EXOC6: variants seen among roughly 807,000 people sequenced by gnomAD.
EXOC6 encodes exocyst complex component 6.
In EXOC6, 60 loss-of-function variants were observed where a neutral mutation model predicts 112.5. The observed-to-expected ratio is 0.53, with a 90% CI of 0.43 to 0.66. The LOEUF is 0.66. Ranked by LOEUF, EXOC6 falls within the 30% of genes least tolerant of loss-of-function variation. EXOC6 has a pLI of 0.00. For missense variants in EXOC6, 855 were observed against 957.1 expected (o/e 0.89, Z 1.41); for synonymous variants, 295 against 308.0 (o/e 0.96, Z 0.44).
At chr10:92,836,851 A>G (rs1846674306) in intron 1 of EXOC6, among the ~76,000 whole-genome samples, 1 of 152,148 alleles carries the variant, frequency 6.6e-6, no homozygotes, top group Admixed American at 6.5e-5. Context: ...ATTTCAGTCA[A>G]ACTAGACTCT....
At chr10:93,012,138 T>C (rs4919044) in intron 19 of EXOC6, among the ~76,000 whole-genome samples, 12,153 of 152,238 alleles carry the variant, frequency 0.08, 550 homozygotes, top group Admixed American at 0.14. Flanking sequence ...ATAAAACCTA[T>C]TAACCTTACT....
chr10:92,894,656 A>C, intron 2 of EXOC6, 138 bp from the exon 3 acceptor site: 3 of 645,176 alleles, frequency 4.6e-6, no homozygotes, highest in Non-Finnish European at 8.0e-6. Context: ...GTTCAAGTTC[A>C]AGCTGTAGAG....
At chr10:92,895,589 G>A (rs1302143718) in intron 4 of EXOC6, among the ~76,000 whole-genome samples, 4 of 152,090 alleles carry the variant, frequency 2.6e-5, no homozygotes, top group African/African-American at 7.2e-5. Flanking sequence ...GATAAATTCC[G>A]AGGAAATTAA....
At chr10:92,847,857 G>C (rs1174475816), upstream of EXOC6, among the ~76,000 whole-genome samples, 2 of 31,064 alleles carry the variant, frequency 6.4e-5, no homozygotes, top group African/African-American at 1.7e-4. Context: ...TTTTTTTTTT[G>C]GTATCTCTGC....
chr10:92,969,611 T>G (rs958897051), intron 17 of EXOC6, among the ~76,000 whole-genome samples: 46 of 152,230 alleles, frequency 3.0e-4, no homozygotes, highest in African/African-American at 1.0e-3. Flanking sequence ...TCTTATTTGG[T>G]ATACCTTTAC....
At position 92,948,822 on chromosome 10, in the gene EXOC6, G is replaced by C. The variant is rs575694070; in HGVS notation, c.1416+443G>C. Among the ~76,000 whole-genome samples the C allele has an allele frequency of 4.6e-4, 70 of 152,106 alleles. No individual in the cohort carries two copies. In the East Asian group the frequency reaches 0.012, roughly 26 times the overall value. On this transcript the variant is annotated intron_variant, in intron 14 of 21. Coordinates refer to ENST00000260762, the MANE Select transcript of EXOC6 (RefSeq NM_019053.6). Reference sequence around the variant, plus strand: ...GTTTATCACTGTGGAAGATTTAAAAGAAGTACACTTTTACAAAAAGTTTAT... The same window carrying C: ...GTTTATCACTGTGGAAGATTTAAAACAAGTACACTTTTACAAAAAGTTTAT...
At chr10:92,866,109 T>C (rs1016597511) in intron 1 of EXOC6, among the ~76,000 whole-genome samples, 42 of 151,422 alleles carry the variant, frequency 2.8e-4, no homozygotes, top group African/African-American at 9.9e-4. Context: ...CTCAATTTTC[T>C]TGAAAAATAA....
chr10:93,008,330 A>G (rs182503187), intron 19 of EXOC6, among the ~76,000 whole-genome samples: 8 of 152,318 alleles, frequency 5.3e-5, no homozygotes, highest in Admixed American at 5.2e-4. Context: ...TTAAAAAAGA[A>G]CACTTCATAG....
chr10:92,972,529 G>A (rs1271804064), intron 17 of EXOC6, among the ~76,000 whole-genome samples: 1 of 152,146 alleles, frequency 6.6e-6, no homozygotes, highest in African/African-American at 2.4e-5. Context: ...GGTGCCACCT[G>A]TTTTTACACC....
intron 6 of EXOC6, among the ~76,000 whole-genome samples, chr10:92,910,274 A>G (rs930047026): frequency 3.3e-5 from 5 of 152,214 alleles, no homozygotes; most frequent in African/African-American, 9.7e-5. Flanking sequence ...TATTCATACA[A>G]TGGAATACTA....
intron 20 of EXOC6, among the ~76,000 whole-genome samples, chr10:93,028,600 C>T (rs1590069662): frequency 1.3e-5 from 2 of 151,998 alleles, no homozygotes; most frequent in South Asian, 4.2e-4. Flanking sequence ...TTTGGGAGGC[C>T]GAGGCAGGTG....
At chr10:92,942,875 G>A (rs1852746505) in intron 13 of EXOC6, among the ~76,000 whole-genome samples, 1 of 152,086 alleles carries the variant, frequency 6.6e-6, no homozygotes, top group South Asian at 2.1e-4. Flanking sequence ...GGAAGCTAAT[G>A]GCTTCATTCA....
At chr10:93,029,845 T>C (rs1172540904) in intron 20 of EXOC6, among the ~76,000 whole-genome samples, 2 of 152,194 alleles carry the variant, frequency 1.3e-5, no homozygotes, top group African/African-American at 4.8e-5. Context: ...TTGTTCTGTA[T>C]GGTTATTCAA....
intron 12 of EXOC6, among the ~76,000 whole-genome samples, chr10:92,939,059 G>A (rs960077145): frequency 5.9e-5 from 9 of 152,076 alleles, no homozygotes; most frequent in African/African-American, 1.7e-4. Flanking sequence ...GTAGAATAGC[G>A]CTGTGAACAA....
intron 12 of EXOC6, among the ~76,000 whole-genome samples, chr10:92,936,848 CG>C (rs1159643560): frequency 1.3e-5 from 2 of 151,924 alleles, no homozygotes; most frequent in Non-Finnish European, 1.5e-5. Flanking sequence ...AATATCACAG[CG>C]GGGGGTTTAT....
At chr10:92,979,810 T>C (rs988507932) in intron 18 of EXOC6, among the ~76,000 whole-genome samples, 1 of 150,354 alleles carries the variant, frequency 6.7e-6, no homozygotes, top group East Asian at 2.0e-4. Context: ...GGCAGGAGGA[T>C]TGCTTGAGCC....
Position 92,974,024 on chromosome 10 carries a change from G to T in EXOC6, c.1774-29G>T, listed in dbSNP as rs41290182. 0.015 allele frequency: 22,982 copies of T among 1,519,944 alleles called. 223 individuals are homozygous for T. The highest frequency in any genetic ancestry group is 0.017 in the Middle Eastern group (102 of 5,870). The allele number at this position is 1,519,944 out of a possible 1,614,324, so 94.2% of individuals were successfully genotyped here. ...ACACTTGTTTTATTATCTGTTTCTT[G>T]TCTTTGTTGTTATTTTGTCCCATGT... On this transcript the variant is annotated intron_variant, in intron 17 of 21. Coordinates refer to ENST00000260762, the MANE Select transcript of EXOC6 (RefSeq NM_019053.6).
At chr10:93,039,656 A>G (rs1406583763) in intron 20 of EXOC6, among the ~76,000 whole-genome samples, 1 of 152,238 alleles carries the variant, frequency 6.6e-6, no homozygotes, top group Admixed American at 6.5e-5. Flanking sequence ...AGATTAAAAT[A>G]AAATTTGATT....
chr10:92,996,104 A>G (rs1843471140), intron 18 of EXOC6, among the ~76,000 whole-genome samples: 1 of 152,136 alleles, frequency 6.6e-6, no homozygotes, highest in South Asian at 2.1e-4. Context: ...ATAAGTAGGA[A>G]AAATATAATT....
Sources: gnomAD v4.1 joint callset for allele counts (sites outside exome capture counted in the v4.1 genomes callset) on GRCh38, gnomAD v4.1.1 for gene constraint, MANE v1.5 for transcripts, NCBI Gene and HGNC (gene_info 2026-07-23, HGNC 2026-07-21) for gene names.